The following ZNRF2 variants were observed in gnomAD, a reference collection of about 807,000 sequenced individuals.
ZNRF2 encodes the protein E3 ubiquitin-protein ligase ZNRF2.
Under a neutral mutation model 20.4 loss-of-function variants are expected in ZNRF2, and 16 were observed. That is an observed-to-expected ratio of 0.79 (90% confidence interval 0.53 to 1.19). ZNRF2 has a LOEUF of 1.19. Ranked by LOEUF, ZNRF2 falls within the 50% of genes most tolerant of loss-of-function variation. The pLI is 0.00. For missense variants in ZNRF2, 363 were observed against 332.4 expected (o/e 1.09, Z -0.72); for synonymous variants, 178 against 144.9 (o/e 1.23, Z -1.64).
At position 30,284,774 on chromosome 7, in the gene ZNRF2, C is replaced by G. The variant is rs898844674; in HGVS notation, c.-584C>G. On this transcript the variant is annotated 5_prime_UTR_variant, in exon 1 of 5. Transcript: ENST00000323037. Reference sequence around the variant, plus strand: ...ACGGTTGCCGGGAAGCGCGCGCCACCTCTCCCTCCCATTTTTCGTTCTCCC... The same window carrying G: ...ACGGTTGCCGGGAAGCGCGCGCCACGTCTCCCTCCCATTTTTCGTTCTCCC... 1 of 179,336 alleles carries G rather than the reference C, an allele frequency of 5.6e-6. No homozygotes were observed. Among genetic ancestry groups the G allele is most frequent in the Non-Finnish European group, 1.2e-5 (1 of 82,276 alleles). 11.1% of individuals were successfully genotyped at this position (179,336 alleles called of 1,614,324 possible). A position where few individuals can be genotyped will look rare whatever the true frequency, so the allele number is the denominator to read the frequency against.
intron 1 of ZNRF2, chr7:30,289,084 A>G (rs1283816622): frequency 2.0e-5 from 3 of 152,334 alleles, no homozygotes; most frequent in South Asian, 4.1e-4. Context: ...CCTTGAGTCC[A>G]GAAGTGAAAA....
chr7:30,295,014 G>GGAGAGACA (rs1798987576), intron 1 of ZNRF2, among the ~76,000 whole-genome samples: 1 of 25,208 alleles, frequency 4.0e-5, no homozygotes, highest in Non-Finnish European at 8.7e-5. Context: ...AGGGAGGGAA[G>GGAGAGACA]GAGAGAGAGA....
intron 1 of ZNRF2, among the ~76,000 whole-genome samples, chr7:30,294,293 C>T (rs112416287): frequency 2.6e-5 from 4 of 152,110 alleles, no homozygotes; most frequent in Non-Finnish European, 5.9e-5. Flanking sequence ...TAGTCACTTC[C>T]CAAAGCTTTG....
intron 1 of ZNRF2, among the ~76,000 whole-genome samples, chr7:30,300,554 ATTCTT>A (rs1799098556): frequency 6.6e-6 from 1 of 152,204 alleles, no homozygotes; most frequent in South Asian, 2.1e-4. Flanking sequence ...TGTTTTATCT[ATTCTT>A]TAATTTTACA....
intron 2 of ZNRF2, among the ~76,000 whole-genome samples, chr7:30,332,774 C>T (rs1379868024): frequency 6.6e-6 from 1 of 152,048 alleles, no homozygotes; most frequent in Non-Finnish European, 1.5e-5. Flanking sequence ...TCCAGTCCAC[C>T]ATTGATGGGC....
rs1387070679 is a variant in ZNRF2 at position 30,306,804 on chromosome 7, G to A, written c.470-16838G>A. ...CACTTTTTGAAATAGCTGTTAAGTAGCTCAGTGTCCAAATAATAAGTAAAA... is the reference window on the plus strand; with the variant it reads ...CACTTTTTGAAATAGCTGTTAAGTAACTCAGTGTCCAAATAATAAGTAAAA... On this transcript the variant is annotated intron_variant, in intron 1 of 4. Coordinates refer to ENST00000323037, the MANE Select transcript of ZNRF2 (RefSeq NM_147128.4). Among the ~76,000 whole-genome samples the A allele has an allele frequency of 2.0e-5, 3 of 152,086 alleles. No individual in the cohort carries two copies. In the East Asian group the frequency reaches 5.8e-4, roughly 29 times the overall value.
intron 1 of ZNRF2, among the ~76,000 whole-genome samples, chr7:30,298,777 C>T (rs928348894): frequency 6.6e-6 from 1 of 152,178 alleles, no homozygotes; most frequent in African/African-American, 2.4e-5. Flanking sequence ...GGAGATCTCA[C>T]AGCTCCTTAC....
At chr7:30,311,362 A>G (rs1194872361) in intron 1 of ZNRF2, among the ~76,000 whole-genome samples, 2 of 152,206 alleles carry the variant, frequency 1.3e-5, no homozygotes, top group East Asian at 1.9e-4. Context: ...TAAGTCTGTA[A>G]TGCTATATTT....
At chr7:30,335,352 G>A (rs1799701130) in intron 2 of ZNRF2, among the ~76,000 whole-genome samples, 1 of 152,078 alleles carries the variant, frequency 6.6e-6, no homozygotes, top group South Asian at 2.1e-4. Context: ...AAACAGCATA[G>A]CTGTCCTCAA....
intron 1 of ZNRF2, among the ~76,000 whole-genome samples, chr7:30,311,102 ACT>A (rs1799285262): frequency 6.6e-6 from 1 of 151,592 alleles, no homozygotes; most frequent in South Asian, 2.1e-4. Context: ...CTGCTGCGGT[ACT>A]CTCTGCGCTG....
chr7:30,321,039 T>G (rs1175489220), intron 1 of ZNRF2, among the ~76,000 whole-genome samples: 2 of 152,202 alleles, frequency 1.3e-5, no homozygotes, highest in African/African-American at 4.8e-5. Context: ...GGGGCCTTTT[T>G]CAGTTCGGAG....
At chr7:30,346,879 TTTA>T (rs1799887669) in intron 2 of ZNRF2, among the ~76,000 whole-genome samples, 1 of 152,194 alleles carries the variant, frequency 6.6e-6, no homozygotes, top group Non-Finnish European at 1.5e-5. Flanking sequence ...TTCTTACAGT[TTTA>T]TTAATGATTT....
intron 1 of ZNRF2, among the ~76,000 whole-genome samples, chr7:30,311,350 C>T (rs1799289789): frequency 6.6e-6 from 1 of 152,082 alleles, no homozygotes; most frequent in Non-Finnish European, 1.5e-5. Flanking sequence ...GTCATAAATG[C>T]TTAAGTCTGT....
At chr7:30,299,493 A>G (rs572239555) in intron 1 of ZNRF2, among the ~76,000 whole-genome samples, 16 of 151,820 alleles carry the variant, frequency 1.1e-4, no homozygotes, top group Middle Eastern at 3.5e-3. Context: ...AACATGTTCA[A>G]TTAGTCCTCT....
At chr7:30,308,868 T>G (rs1208224390) in intron 1 of ZNRF2, among the ~76,000 whole-genome samples, 1 of 152,160 alleles carries the variant, frequency 6.6e-6, no homozygotes, top group African/African-American at 2.4e-5. Context: ...CTACAGACTT[T>G]CTAAAAATAT....
At chr7:30,345,360 A>C (rs1469221800) in intron 2 of ZNRF2, among the ~76,000 whole-genome samples, 1 of 150,558 alleles carries the variant, frequency 6.6e-6, no homozygotes, top group African/African-American at 2.4e-5. Context: ...TTTCATCCTC[A>C]TTTGTGATCT....
chr7:30,364,181 T>A (rs746421543), intron 4 of ZNRF2, among the ~76,000 whole-genome samples: 17 of 152,176 alleles, frequency 1.1e-4, no homozygotes, highest in African/African-American at 4.1e-4. Flanking sequence ...AGTAGCAGAT[T>A]AGAATATTGA....
At chr7:30,298,388 C>G (rs533363186) in intron 1 of ZNRF2, among the ~76,000 whole-genome samples, 43 of 152,266 alleles carry the variant, frequency 2.8e-4, no homozygotes, top group Middle Eastern at 3.4e-3. Flanking sequence ...ACTCCTGATA[C>G]TTTTAAAGTG....
At chr7:30,331,907 T>C (rs948983013) in intron 2 of ZNRF2, among the ~76,000 whole-genome samples, 1 of 152,192 alleles carries the variant, frequency 6.6e-6, no homozygotes, top group African/African-American at 2.4e-5. Context: ...ATAAAGATAA[T>C]GGATCAGAAA....
Sources: gnomAD v4.1 joint callset for allele counts (sites outside exome capture counted in the v4.1 genomes callset) on GRCh38, gnomAD v4.1.1 for gene constraint, MANE v1.5 for transcripts, NCBI Gene and HGNC (gene_info 2026-07-23, HGNC 2026-07-21) for gene names.